The following SH3GL3 variants were observed in gnomAD, a reference collection of about 807,000 sequenced individuals.
SH3GL3 encodes the protein SH3 domain containing GRB2 like 3, endophilin A3.
Under a neutral mutation model 47.7 loss-of-function variants are expected in SH3GL3, and 33 were observed. That is an observed-to-expected ratio of 0.69 (90% confidence interval 0.52 to 0.92). SH3GL3 has a LOEUF of 0.92. Among genes scored for constraint, SH3GL3 ranks in the 40% least tolerant of loss-of-function variants. The pLI is 0.00. For missense variants in SH3GL3, 363 were observed against 417.8 expected (o/e 0.87, Z 1.14); for synonymous variants, 155 against 148.8 (o/e 1.04, Z -0.30).
intron 1 of SH3GL3, among the ~76,000 whole-genome samples, chr15:83,483,875 C>T (rs574651109): frequency 6.6e-6 from 1 of 152,264 alleles, no homozygotes; most frequent in Non-Finnish European, 1.5e-5. Flanking sequence ...AAAGCTGCTG[C>T]CAGGAAGTTG....
intron 1 of SH3GL3, among the ~76,000 whole-genome samples, chr15:83,461,010 G>A (rs2040268147): frequency 6.6e-6 from 1 of 151,936 alleles, no homozygotes; most frequent in Non-Finnish European, 1.5e-5. Context: ...GTGAACCCGG[G>A]AGGCGGAGCT....
At position 83,559,262 on chromosome 15, in the gene SH3GL3, GA is replaced by G; in HGVS notation, c.61del (p.Ile21Ter). 6.4e-7 allele frequency: 1 copy of G among 1,567,286 alleles called. No individual in the cohort carries two copies. Among genetic ancestry groups the G allele is most frequent in the Non-Finnish European group, 8.8e-7 (1 of 1,137,370 alleles). On this transcript the variant is annotated frameshift_variant, in exon 2 of 9. Coordinates refer to ENST00000427482, the MANE Select transcript of SH3GL3 (RefSeq NM_003027.5). LOFTEE classifies it high-confidence loss of function. ...QFHKASQLFS[E>X]KISGAEGTKL... Reference sequence around the variant, plus strand: ...ATGTTTATTTCTGCAGCTATTTAGTGAAAAAATAAGTGGTGCTGAAGGAACT... The same window carrying G: ...ATGTTTATTTCTGCAGCTATTTAGTGAAAAATAAGTGGTGCTGAAGGAACT...
chr15:83,552,427 T>C (rs2044710107), intron 1 of SH3GL3, among the ~76,000 whole-genome samples: 1 of 152,220 alleles, frequency 6.6e-6, no homozygotes, highest in South Asian at 2.1e-4. Context: ...AATTTTAAAA[T>C]TTTGTGCTGA....
chr15:83,602,510 G>T (rs192604535), intron 8 of SH3GL3, among the ~76,000 whole-genome samples: 1 of 152,240 alleles, frequency 6.6e-6, no homozygotes, highest in Admixed American at 6.5e-5. Flanking sequence ...TTTTATAAGG[G>T]CACAAATCCT....
intron 1 of SH3GL3, among the ~76,000 whole-genome samples, chr15:83,548,075 G>A (rs2044492169): frequency 1.3e-5 from 2 of 151,204 alleles, no homozygotes; most frequent in African/African-American, 4.8e-5. Context: ...ATGTGGTGGT[G>A]TCTTCATTAA....
intron 1 of SH3GL3, among the ~76,000 whole-genome samples, chr15:83,491,870 G>A (rs2041887172): frequency 6.6e-6 from 1 of 152,142 alleles, no homozygotes; most frequent in Admixed American, 6.5e-5. Flanking sequence ...TTCAAGCCGG[G>A]CAAACCTTTA....
chr15:83,523,035 G>A (rs1241866988), intron 1 of SH3GL3, among the ~76,000 whole-genome samples: 1 of 152,124 alleles, frequency 6.6e-6, no homozygotes, highest in East Asian at 1.9e-4. Flanking sequence ...AATTTAAAAT[G>A]TCTTCAATTA....
Position 83,490,948 on chromosome 15 carries a change from G to A in SH3GL3, c.45+43370G>A, listed in dbSNP as rs1419437733. On this transcript the variant is annotated intron_variant, in intron 1 of 8. Coordinates refer to ENST00000427482, the MANE Select transcript of SH3GL3 (RefSeq NM_003027.5). ...AAGGGGGAGTGGTTGGGGAAGAACAGTAAACTTGGAAAAGCCATTCTCATC... is the reference window on the plus strand; with the variant it reads ...AAGGGGGAGTGGTTGGGGAAGAACAATAAACTTGGAAAAGCCATTCTCATC... The A allele has an allele frequency of 1.2e-5, 20 of 1,612,734 alleles. No homozygotes were observed. In the South Asian group the frequency reaches 2.0e-4, roughly 16 times the overall value.
intron 1 of SH3GL3, among the ~76,000 whole-genome samples, chr15:83,494,482 A>G (rs570826632): frequency 1.1e-4 from 17 of 151,898 alleles, no homozygotes; most frequent in Non-Finnish European, 2.5e-4. Context: ...TCCTTTGACC[A>G]GGGCCATATA....
At chr15:83,535,584 C>G (rs893575271) in intron 1 of SH3GL3, among the ~76,000 whole-genome samples, 47 of 152,268 alleles carry the variant, frequency 3.1e-4, no homozygotes, top group African/African-American at 1.1e-3. Context: ...AGTCTGGTCC[C>G]CAGACACTGT....
chr15:83,522,139 T>C (rs1396093847), intron 1 of SH3GL3, among the ~76,000 whole-genome samples: 1 of 152,024 alleles, frequency 6.6e-6, no homozygotes, highest in Admixed American at 6.6e-5. Context: ...TTTGGGTGCT[T>C]GATGGTAAGC....
intron 1 of SH3GL3, among the ~76,000 whole-genome samples, chr15:83,508,997 T>A (rs1289295001): frequency 6.6e-6 from 1 of 152,254 alleles, no homozygotes; most frequent in Non-Finnish European, 1.5e-5. Flanking sequence ...GCTCCTCACC[T>A]AGGATCTTAC....
At chr15:83,576,188 A>G (rs1403208236) in intron 5 of SH3GL3, among the ~76,000 whole-genome samples, 1 of 152,232 alleles carries the variant, frequency 6.6e-6, no homozygotes, top group Non-Finnish European at 1.5e-5. Flanking sequence ...GGAGTTGACA[A>G]TAGTACCAAA....
At chr15:83,590,885 A>G (rs1189907250) in intron 8 of SH3GL3, among the ~76,000 whole-genome samples, 1 of 152,188 alleles carries the variant, frequency 6.6e-6, no homozygotes, top group Non-Finnish European at 1.5e-5. Context: ...TAATCCTCTT[A>G]ATAGGGTCTT....
chr15:83,515,071 G>A (rs544192067), intron 1 of SH3GL3, among the ~76,000 whole-genome samples: 1 of 152,120 alleles, frequency 6.6e-6, no homozygotes, highest in African/African-American at 2.4e-5. Context: ...CCAGCCCCTT[G>A]ATTTTAGCCC....
the SH3GL3 span, among the ~76,000 whole-genome samples, chr15:83,632,944 A>G: frequency 3.9e-5 from 6 of 152,364 alleles, no homozygotes; most frequent in South Asian, 1.2e-3. Flanking sequence ...GCACATGAAA[A>G]AGTGTGCAAC....
chr15:83,596,836 T>C (rs1017313340), intron 8 of SH3GL3, among the ~76,000 whole-genome samples: 1 of 152,112 alleles, frequency 6.6e-6, no homozygotes, highest in African/African-American at 2.4e-5. Flanking sequence ...TTTTTGCCCT[T>C]GTAAACAACT....
intron 8 of SH3GL3, among the ~76,000 whole-genome samples, chr15:83,594,679 T>A (rs902271199): frequency 3.3e-5 from 5 of 152,206 alleles, no homozygotes; most frequent in Admixed American, 6.5e-5. Flanking sequence ...GAGTACTGTT[T>A]ACATATTTTG....
chr15:83,581,805 C>G (rs568174228), intron 6 of SH3GL3, among the ~76,000 whole-genome samples: 1 of 152,338 alleles, frequency 6.6e-6, no homozygotes, highest in African/African-American at 2.4e-5. Flanking sequence ...TCCTTCGGCC[C>G]CACACTGTAG....
Sources: gnomAD v4.1 joint callset for allele counts (sites outside exome capture counted in the v4.1 genomes callset) on GRCh38, gnomAD v4.1.1 for gene constraint, MANE v1.5 for transcripts, NCBI Gene and HGNC (gene_info 2026-07-23, HGNC 2026-07-21) for gene names.